The following CSMD1 variants were observed in gnomAD, a reference collection of about 807,000 sequenced individuals.
The protein encoded by CSMD1 is CUB and Sushi multiple domains 1, also known as CUB and sushi domain-containing protein 1.
Under a neutral mutation model 417.5 loss-of-function variants are expected in CSMD1, and 213 were observed. The observed-to-expected ratio is 0.51, with a 90% CI of 0.46 to 0.57. The LOEUF is 0.57. CSMD1 is among the 20% of genes least tolerant of loss of function. The pLI, the probability that CSMD1 is intolerant of heterozygous loss-of-function variation, is 0.00. For missense variants in CSMD1, 6,923 were observed against 4,529.7 expected, an observed-to-expected ratio of 1.53 and a Z score of -15.17; for synonymous variants, 2,862 against 1,736.8, an observed-to-expected ratio of 1.65 and a Z score of -16.11.
intron 3 of CSMD1, among the ~76,000 whole-genome samples, chr8:4,297,759 C>A (rs1400431122): frequency 6.6e-6 from 1 of 152,086 alleles, no homozygotes; most frequent in Non-Finnish European, 1.5e-5. Flanking sequence ...GATTAAGAAC[C>A]AACATCCTGT....
At chr8:4,448,827 A>G (rs1032031106) in intron 2 of CSMD1, among the ~76,000 whole-genome samples, 1 of 152,180 alleles carries the variant, frequency 6.6e-6, no homozygotes, top group African/African-American at 2.4e-5. Flanking sequence ...GGGACAGGGT[A>G]AAAGGTAATT....
At chr8:3,822,902 T>A (rs1801818712) in intron 5 of CSMD1, among the ~76,000 whole-genome samples, 1 of 152,200 alleles carries the variant, frequency 6.6e-6, no homozygotes, top group Admixed American at 6.5e-5. Context: ...AGTAACTCAC[T>A]GTGCAGAGCT....
intron 10 of CSMD1, among the ~76,000 whole-genome samples, chr8:3,524,209 C>A (rs1797653051): frequency 7.0e-6 from 1 of 143,492 alleles, no homozygotes; most frequent in Admixed American, 6.9e-5. Context: ...ACACATGCAA[C>A]CCAGACAATA....
chr8:4,913,249 T>G (rs2117100349), intron 1 of CSMD1, among the ~76,000 whole-genome samples: 1 of 152,238 alleles, frequency 6.6e-6, no homozygotes, highest in South Asian at 2.1e-4. Flanking sequence ...GCAACACAAG[T>G]TGTTTCTCTT....
chr8:3,246,400 T>C (rs959683508), intron 26 of CSMD1, among the ~76,000 whole-genome samples: 4 of 152,184 alleles, frequency 2.6e-5, no homozygotes, highest in Admixed American at 2.0e-4. Context: ...GGAAGCCAGT[T>C]CCTCAGTCAC....
chr8:4,306,243 C>T (rs897548910), intron 3 of CSMD1, among the ~76,000 whole-genome samples: 1 of 152,152 alleles, frequency 6.6e-6, no homozygotes, highest in Non-Finnish European at 1.5e-5. Flanking sequence ...ACGACACTAA[C>T]AATACGTGGT....
At chr8:3,191,826 G>A (rs534146271) in intron 33 of CSMD1, among the ~76,000 whole-genome samples, 1 of 152,304 alleles carries the variant, frequency 6.6e-6, no homozygotes, top group African/African-American at 2.4e-5. Flanking sequence ...TTTGTCCTCT[G>A]CAGTGAAAAA....
At chr8:4,922,380 A>C (rs1806557724) in intron 1 of CSMD1, among the ~76,000 whole-genome samples, 1 of 152,190 alleles carries the variant, frequency 6.6e-6, no homozygotes, top group Admixed American at 6.5e-5. Context: ...ATAGCACAAT[A>C]TTTTACAAAA....
intron 3 of CSMD1, among the ~76,000 whole-genome samples, chr8:4,138,668 T>G (rs183931128): frequency 6.6e-6 from 1 of 152,234 alleles, no homozygotes; most frequent in African/African-American, 2.4e-5. Flanking sequence ...GTATTATTTC[T>G]ATTTTTCAAA....
At chr8:3,017,460 AT>A (rs1349765169) in intron 52 of CSMD1, among the ~76,000 whole-genome samples, 3 of 152,236 alleles carry the variant, frequency 2.0e-5, no homozygotes, top group Non-Finnish European at 2.9e-5. Context: ...ACACTCATAT[AT>A]ATAATTGTGT....
At chr8:3,755,528 G>A (rs1249674946) in intron 5 of CSMD1, among the ~76,000 whole-genome samples, 2 of 152,142 alleles carry the variant, frequency 1.3e-5, no homozygotes, top group African/African-American at 4.8e-5. Flanking sequence ...TGCTGCGTGT[G>A]GGCCTGCCTG....
In CSMD1 at chr8:3,491,849, C is replaced by T. The variant is rs548544271; in HGVS notation, c.1448+1774G>A. ...GGGAAACCAGCCCCACACCACCCGG[C>T]GGGTACCCCGAGTCCAGCGGAGACA... On this transcript the variant is annotated intron_variant, in intron 11 of 69. Coordinates refer to ENST00000635120, the MANE Select transcript of CSMD1 (RefSeq NM_033225.6). Among the ~76,000 whole-genome samples, 7 of 152,294 alleles carry T rather than the reference C, an allele frequency of 4.6e-5. No homozygotes were observed. The South Asian group carries it at 1.0e-3, about 23-fold the overall frequency.
intron 7 of CSMD1, among the ~76,000 whole-genome samples, chr8:3,622,131 G>T (rs1487338085): frequency 6.6e-6 from 1 of 151,950 alleles, no homozygotes; most frequent in Non-Finnish European, 1.5e-5. Context: ...AGTAAGCAGT[G>T]GTCTACTACT....
At chr8:4,263,182 T>G (rs1334670926) in intron 3 of CSMD1, among the ~76,000 whole-genome samples, 1 of 151,168 alleles carries the variant, frequency 6.6e-6, no homozygotes, top group Non-Finnish European at 1.5e-5. Context: ...AGCTGTGTAT[T>G]CTAGTGCCGT....
rs34833863 is a variant in CSMD1 at position 3,199,736 on chromosome 8, G to T, written c.5172C>A (p.Arg1724=). 1.6e-5 allele frequency: 25 copies of T among 1,587,540 alleles called. No individual in the cohort carries two copies. The South Asian group carries it at 2.7e-4, about 17-fold the overall frequency. ...TACCTTGATACACGAAGTGGAAGCC[G>T]CGGGCAGAGGCACCGCTCTTTGCAC... The part of the protein sequence containing the change: ...RFSAKSGASA[R]GFHFVYQAVP... The change falls in exon 33 of 70, where the codon CGC becomes CGA. Residue 1724 remains arginine (R), a synonymous_variant. Coordinates refer to ENST00000635120, the MANE Select transcript of CSMD1 (RefSeq NM_033225.6).
chr8:4,160,301 C>A (rs374873306), intron 3 of CSMD1, among the ~76,000 whole-genome samples: 86 of 152,200 alleles, frequency 5.7e-4, no homozygotes, highest in African/African-American at 1.9e-3. Context: ...TTAGGAAACT[C>A]TCCAGCAACA....
intron 2 of CSMD1, among the ~76,000 whole-genome samples, chr8:4,583,787 A>G (rs1398480165): frequency 6.6e-6 from 1 of 152,152 alleles, no homozygotes; most frequent in Non-Finnish European, 1.5e-5. Context: ...GGGGCCAGAT[A>G]AGAGAATAAA....
chr8:4,374,715 C>G (rs1466907717), intron 3 of CSMD1, among the ~76,000 whole-genome samples: 2 of 152,104 alleles, frequency 1.3e-5, no homozygotes, highest in African/African-American at 2.4e-5. Flanking sequence ...GCATCCGTGT[C>G]TGGAGCAGAC....
chr8:4,334,342 A>T (rs1361744906), intron 3 of CSMD1, among the ~76,000 whole-genome samples: 4 of 152,138 alleles, frequency 2.6e-5, no homozygotes, highest in Admixed American at 2.0e-4. Flanking sequence ...TGACATTTAC[A>T]CTTAATAAAG....
Sources: gnomAD v4.1 joint callset for allele counts (sites outside exome capture counted in the v4.1 genomes callset) on GRCh38, gnomAD v4.1.1 for gene constraint, MANE v1.5 for transcripts, NCBI Gene and HGNC (gene_info 2026-07-23, HGNC 2026-07-21) for gene names.